MINDY2: variants seen among roughly 807,000 people sequenced by gnomAD.
MINDY2 encodes the protein MINDY lysine 48 deubiquitinase 2.
In MINDY2, 52 loss-of-function variants were observed where a neutral mutation model predicts 68.2. That is an observed-to-expected ratio of 0.76 (90% CI 0.61 to 0.96). The LOEUF is 0.96. Ranked by LOEUF, MINDY2 falls within the 40% of genes least tolerant of loss-of-function variation. MINDY2 has a pLI of 0.00. For synonymous variants in MINDY2, 372 were observed against 303.0 expected (o/e 1.23, Z -2.36); for missense variants, 881 against 773.4 (o/e 1.14, Z -1.65).
intron 7 of MINDY2, among the ~76,000 whole-genome samples, chr15:58,847,814 C>G (rs75994534): frequency 6.6e-6 from 1 of 152,266 alleles, no homozygotes; most frequent in East Asian, 1.9e-4. Flanking sequence ...GGAAACAGGT[C>G]TAAGCAGAGA....
chr15:58,839,132 G>C (rs2054097), intron 6 of MINDY2, among the ~76,000 whole-genome samples: 7 of 151,678 alleles, frequency 4.6e-5, no homozygotes, highest in African/African-American at 1.5e-4. Flanking sequence ...TTGAGTGTGC[G>C]TTAAAATCTT....
intron 5 of MINDY2, among the ~76,000 whole-genome samples, chr15:58,827,617 C>G (rs2031479777): frequency 6.6e-6 from 1 of 152,110 alleles, no homozygotes; most frequent in African/African-American, 2.4e-5. Flanking sequence ...GCGCCCGCCA[C>G]CACGGCCGGC....
In MINDY2 at chr15:58,772,101, C is replaced by G. The variant is rs1018675607; in HGVS notation, c.706C>G (p.Arg236Gly). The change falls in exon 1 of 9, where the codon CGC becomes GGC. Residue 236 changes from arginine (R) to glycine (G), a missense_variant. Arg to Gly is a moderately radical substitution (Grantham distance 125, BLOSUM62 -2). Transcript: ENST00000559228. ...TCAGGTGCTGGCGGCCTCCAAGGAA[C>G]GCTTCCCGGGACAATCTGTGTATCA... The part of the protein sequence containing the change: ...TAQVLAASKE[R>G]FPGQSVYHIK... The G allele has an allele frequency of 1.2e-6, 2 of 1,613,762 alleles. No homozygotes were observed. The highest frequency in any genetic ancestry group is 1.7e-6 in the Non-Finnish European group (2 of 1,179,798).
At chr15:58,795,369 A>G (rs780157372) in intron 2 of MINDY2, among the ~76,000 whole-genome samples, 1 of 151,940 alleles carries the variant, frequency 6.6e-6, no homozygotes, top group Non-Finnish European at 1.5e-5. Flanking sequence ...TCACTTCAGG[A>G]CATTTTAATA....
In MINDY2 at chr15:58,810,283, A is replaced by G; in HGVS notation, c.1017A>G (p.Val339=). Residue 339 remains valine, a synonymous_variant, in exon 4 of 9, where the codon GTA becomes GTG. Coordinates refer to ENST00000559228, the MANE Select transcript of MINDY2 (RefSeq NM_001040450.3). Reference sequence around the variant, plus strand: ...ACAAACTACAGACAGGCCTGGATGTAAATGTAAGATTCACTGGTGTTCGAG... The same window carrying G: ...ACAAACTACAGACAGGCCTGGATGTGAATGTAAGATTCACTGGTGTTCGAG... ...ILHKLQTGLD[V]NVRFTGVRVF... 8.7e-6 allele frequency: 14 copies of G among 1,613,880 alleles called. No homozygotes were observed. Among genetic ancestry groups the G allele is most frequent in the East Asian group, 6.7e-5 (3 of 44,860 alleles).
At position 58,787,919 on chromosome 15, in the gene MINDY2, C is replaced by A; in HGVS notation, c.854C>A (p.Pro285Gln). The A allele has an allele frequency of 1.3e-6, 2 of 1,595,334 alleles. No individual in the cohort carries two copies. Among genetic ancestry groups the A allele is most frequent in the Non-Finnish European group, 8.5e-7 (1 of 1,171,998 alleles). ...LLLAWKVKLP[P>Q]MMEIITAEQL... is the part of the protein sequence containing the mutation. ...TTTGTTTTTCAGGTGAAACTTCCAC[C>A]GATGATGGAAATCATAACTGCTGAG... The change falls in exon 2 of 9, where the codon CCG becomes CAG. Residue 285 changes from proline (P) to glutamine (Q), a missense_variant. Transcript: ENST00000559228.
chr15:58,815,012 C>T (rs913578420), intron 4 of MINDY2, among the ~76,000 whole-genome samples: 19 of 151,998 alleles, frequency 1.3e-4, no homozygotes, highest in African/African-American at 4.3e-4. Context: ...CCTAAGAGGG[C>T]TTTGCCTAAC....
At position 58,771,446 on chromosome 15, in the gene MINDY2, C is replaced by A. The variant is rs1361042514; in HGVS notation, c.51C>A (p.Ala17=). 6.2e-7 allele frequency: 1 copy of A among 1,612,276 alleles called. No individual in the cohort carries two copies. Among genetic ancestry groups the A allele is most frequent in the Non-Finnish European group, 8.5e-7 (1 of 1,179,738 alleles). Reference sequence around the variant, plus strand: ...AGCCGCTAGAACACGGGGTGGCGGCCGGGCCAGCGTCAGGGACAGGTTCTT... The same window carrying A: ...AGCCGCTAGAACACGGGGTGGCGGCAGGGCCAGCGTCAGGGACAGGTTCTT... ...SLQPLEHGVA[A]GPASGTGSSQ... The change falls in exon 1 of 9, where the codon GCC becomes GCA. Residue 17 remains alanine, a synonymous_variant. Transcript: ENST00000559228.
At chr15:58,835,505 T>G (rs1418778857) in intron 6 of MINDY2, among the ~76,000 whole-genome samples, 1 of 152,012 alleles carries the variant, frequency 6.6e-6, no homozygotes, top group African/African-American at 2.4e-5. Flanking sequence ...ATACAAAAAT[T>G]AGCTGGGCAT....
At chr15:58,774,029 C>G (rs554743647) in intron 1 of MINDY2, among the ~76,000 whole-genome samples, 1 of 152,202 alleles carries the variant, frequency 6.6e-6, no homozygotes, top group Non-Finnish European at 1.5e-5. Flanking sequence ...TTCCTTTAGT[C>G]TTTTTTCTTA....
At chr15:58,836,841 A>G (rs2032020675) in intron 6 of MINDY2, among the ~76,000 whole-genome samples, 1 of 151,918 alleles carries the variant, frequency 6.6e-6, no homozygotes, top group East Asian at 1.9e-4. Flanking sequence ...ATTGGTCTTG[A>G]GCTCCTGGGC....
At chr15:58,818,997 G>C (rs2448484) in intron 4 of MINDY2, among the ~76,000 whole-genome samples, 1 of 152,006 alleles carries the variant, frequency 6.6e-6, no homozygotes, top group African/African-American at 2.4e-5. Flanking sequence ...TTTTGTTTTA[G>C]AGACAGTGTC....
intron 3 of MINDY2, 61 bp downstream of exon 3, chr15:58,802,438 T>G: frequency 9.2e-7 from 1 of 1,083,514 alleles, no homozygotes; most frequent in Non-Finnish European, 1.3e-6. Context: ...CATTGGTTTC[T>G]ATTAGTAGCT....
Position 58,808,898 on chromosome 15 carries a change from C to G in MINDY2, c.964-1332C>G, listed in dbSNP as rs971558396. Reference sequence around the variant, plus strand: ...GGATTACAGGTGGGAGCCACCGTGCCCAGCCACTTTTTCATCTTTAAAACT... The same window carrying G: ...GGATTACAGGTGGGAGCCACCGTGCGCAGCCACTTTTTCATCTTTAAAACT... On this transcript the variant is annotated intron_variant, in intron 3 of 8. Coordinates refer to ENST00000559228, the MANE Select transcript of MINDY2 (RefSeq NM_001040450.3). Among the ~76,000 whole-genome samples the G allele has an allele frequency of 2.5e-4, 38 of 152,320 alleles. No homozygotes were observed. The Middle Eastern group carries it at 0.014, about 55-fold the overall frequency.
chr15:58,779,956 A>G (rs1470817238), intron 1 of MINDY2, among the ~76,000 whole-genome samples: 3 of 152,192 alleles, frequency 2.0e-5, no homozygotes, highest in Non-Finnish European at 4.4e-5. Context: ...GGTACTAGCA[A>G]TCATAGGGGC....
intron 6 of MINDY2, among the ~76,000 whole-genome samples, chr15:58,839,961 T>C (rs765855733): frequency 5.3e-5 from 8 of 151,998 alleles, no homozygotes; most frequent in Non-Finnish European, 1.0e-4. Context: ...GCCTCCCAGG[T>C]AGCTGGGATT....
chr15:58,846,878 G>GA (rs2032564077), intron 6 of MINDY2, among the ~76,000 whole-genome samples: 1 of 151,930 alleles, frequency 6.6e-6, no homozygotes, highest in Admixed American at 6.6e-5. Flanking sequence ...GTAGAGAAAG[G>GA]AAAAACTGGT....
intron 6 of MINDY2, 43 bp from the exon 7 acceptor site, chr15:58,847,254 G>A (rs777638278): frequency 1.4e-6 from 2 of 1,451,176 alleles, no homozygotes; most frequent in East Asian, 4.6e-5. Flanking sequence ...TACTAGTTTT[G>A]ATCAATTTAA....
In MINDY2 at chr15:58,860,107, C is replaced by G. The variant is rs1174839154; in HGVS notation, c.*5497C>G. 4 of 152,186 alleles carry G rather than the reference C, an allele frequency of 2.6e-5. No individual in the cohort carries two copies. The highest frequency in any genetic ancestry group is 2.0e-4 in the Admixed American group (3 of 15,272). The allele number at this position is 152,186 out of a possible 1,614,324, so 9.4% of individuals were successfully genotyped here. ...ATATTCTAAGGATTTCTTCAAACTA[C>G]TTAATAATTTGTCACCATTAACTTT... On this transcript the variant is annotated 3_prime_UTR_variant, in exon 9 of 9. Coordinates refer to ENST00000559228, the MANE Select transcript of MINDY2 (RefSeq NM_001040450.3).
Sources: gnomAD v4.1 joint callset for allele counts (sites outside exome capture counted in the v4.1 genomes callset) on GRCh38, gnomAD v4.1.1 for gene constraint, MANE v1.5 for transcripts, NCBI Gene and HGNC (gene_info 2026-07-23, HGNC 2026-07-21) for gene names.